Variants in ATG10 observed in about 807,000 individuals in gnomAD.
ATG10 encodes the protein autophagy related 10.
Under a neutral mutation model 32.1 loss-of-function variants are expected in ATG10, and 30 were observed. That is an observed-to-expected ratio of 0.94 (90% confidence interval 0.70 to 1.27). The LOEUF (loss-of-function observed/expected upper bound fraction) is 1.27, where lower values mean the gene tolerates loss of function less well. ATG10 is among the 50% of genes most tolerant of loss of function. The pLI is 0.00. For missense variants in ATG10, 233 were observed against 262.3 expected (o/e 0.89, Z 0.77); for synonymous variants, 87 against 91.5 (o/e 0.95, Z 0.28).
At chr5:82,037,240 T>TGTCTAA (rs1382606540) in intron 2 of ATG10, among the ~76,000 whole-genome samples, 1 of 48,142 alleles carries the variant, frequency 2.1e-5, no homozygotes, top group Non-Finnish European at 4.0e-5. Context: ...TTTACTTTTT[T>TGTCTAA]TTTTTTTTTT....
chr5:82,123,719 A>G (rs1766137587), intron 3 of ATG10, among the ~76,000 whole-genome samples: 1 of 142,416 alleles, frequency 7.0e-6, no homozygotes, highest in Non-Finnish European at 1.5e-5. Context: ...TGCTTGAGCC[A>G]GGAGTTCTAG....
At chr5:82,136,149 G>A (rs1034093331) in intron 3 of ATG10, among the ~76,000 whole-genome samples, 5 of 152,108 alleles carry the variant, frequency 3.3e-5, no homozygotes, top group Non-Finnish European at 5.9e-5. Flanking sequence ...CCTGAATACA[G>A]CACACCGATG....
At chr5:82,165,632 T>G (rs1743543380) in intron 4 of ATG10, among the ~76,000 whole-genome samples, 1 of 152,222 alleles carries the variant, frequency 6.6e-6, no homozygotes, top group Non-Finnish European at 1.5e-5. Context: ...AGGACACTGA[T>G]AGTTCACTAA....
At chr5:82,046,047 G>C (rs1439589530) in intron 2 of ATG10, among the ~76,000 whole-genome samples, 2 of 152,064 alleles carry the variant, frequency 1.3e-5, no homozygotes, top group South Asian at 2.1e-4. Context: ...TGAGAATCTG[G>C]CCTATTGTCC....
chr5:82,139,606 C>A (rs1216752737), intron 3 of ATG10, among the ~76,000 whole-genome samples: 23 of 135,854 alleles, frequency 1.7e-4, no homozygotes, highest in African/African-American at 6.1e-4. Flanking sequence ...CTCCGCCCGG[C>A]AGCCACCCCA....
intron 3 of ATG10, among the ~76,000 whole-genome samples, chr5:82,131,419 T>C (rs1431617015): frequency 6.6e-6 from 1 of 152,178 alleles, no homozygotes; most frequent in Non-Finnish European, 1.5e-5. Context: ...GAAGTGTGAC[T>C]GTTATTTGTG....
intron 3 of ATG10, among the ~76,000 whole-genome samples, chr5:82,088,981 T>C (rs1764788151): frequency 6.6e-6 from 1 of 152,190 alleles, no homozygotes; most frequent in African/African-American, 2.4e-5. Context: ...TTTAGAACCT[T>C]TTTTAAAGAA....
intron 3 of ATG10, among the ~76,000 whole-genome samples, chr5:82,075,436 T>A (rs1764244446): frequency 6.6e-6 from 1 of 152,120 alleles, no homozygotes; most frequent in Non-Finnish European, 1.5e-5. Flanking sequence ...TTAAGAAAAA[T>A]TATTTAGTTT....
intron 3 of ATG10, among the ~76,000 whole-genome samples, chr5:82,080,005 C>A (rs1314420372): frequency 6.6e-6 from 1 of 152,212 alleles, no homozygotes; most frequent in African/African-American, 2.4e-5. Context: ...ATTCCTAATT[C>A]TCCATATCCT....
At chr5:82,202,149 A>G (rs2149964296) in intron 5 of ATG10, among the ~76,000 whole-genome samples, 1 of 152,314 alleles carries the variant, frequency 6.6e-6, no homozygotes, top group Admixed American at 6.5e-5. Flanking sequence ...ATGATGTTGA[A>G]TAGCAATGAT....
At chr5:82,150,680 C>T (rs1427122652) in intron 3 of ATG10, among the ~76,000 whole-genome samples, 2 of 152,194 alleles carry the variant, frequency 1.3e-5, no homozygotes, top group African/African-American at 2.4e-5. Context: ...CCCCTTCACA[C>T]AGTCGTCCAC....
At position 82,255,242 on chromosome 5, in the gene ATG10, C is replaced by G. The variant is rs1279091574; in HGVS notation, c.*1179C>G. ...TACCTCATAGGGTTGCTGTGAGAAC[C>G]ACATGAGATCATTAATGCATGATAA... On this transcript the variant is annotated 3_prime_UTR_variant, in exon 8 of 8. Coordinates refer to ENST00000282185, the MANE Select transcript of ATG10 (RefSeq NM_031482.5). The G allele has an allele frequency of 6.6e-6, 1 of 152,108 alleles. No homozygotes were observed. The highest frequency in any genetic ancestry group is 1.5e-5 in the Non-Finnish European group (1 of 68,024). 9.4% of individuals were successfully genotyped at this position (152,108 alleles called of 1,614,324 possible). A position where few individuals can be genotyped will look rare whatever the true frequency, so the allele number is the denominator to read the frequency against.
chr5:82,245,093 C>T (rs1014167462), intron 5 of ATG10, among the ~76,000 whole-genome samples: 8 of 152,144 alleles, frequency 5.3e-5, no homozygotes, highest in Non-Finnish European at 1.2e-4. Flanking sequence ...CCTCCTGAAT[C>T]GATCTAAGAA....
chr5:82,098,648 C>T (rs562498784), intron 3 of ATG10, among the ~76,000 whole-genome samples: 5 of 152,182 alleles, frequency 3.3e-5, no homozygotes, highest in Admixed American at 6.5e-5. Context: ...AAGGGGTTAT[C>T]GTTTATAGAC....
At chr5:82,054,969 T>C (rs1581641386) in intron 2 of ATG10, among the ~76,000 whole-genome samples, 2 of 152,150 alleles carry the variant, frequency 1.3e-5, no homozygotes, top group Non-Finnish European at 2.9e-5. Flanking sequence ...TCAGGAAAAC[T>C]TCATTGCCAA....
At chr5:82,114,928 A>G (rs757289642) in intron 3 of ATG10, among the ~76,000 whole-genome samples, 1 of 152,210 alleles carries the variant, frequency 6.6e-6, no homozygotes, top group South Asian at 2.1e-4. Context: ...CTACTAGCCC[A>G]TGTAGATATT....
At position 82,254,185 on chromosome 5, in the gene ATG10, G is replaced by T. The variant is rs542303648; in HGVS notation, c.*122G>T. On this transcript the variant is annotated 3_prime_UTR_variant, in exon 8 of 8. Coordinates refer to ENST00000282185, the MANE Select transcript of ATG10 (RefSeq NM_031482.5). ...TTTCATCTCACCAAGATGTGACATG[G>T]ATTATTTTTCCCTTGGACACAAATG... is the stretch of plus-strand genomic sequence containing the variant. 6.6e-6 allele frequency: 1 copy of T among 152,272 alleles called. No homozygotes were observed. Among genetic ancestry groups the T allele is most frequent in the African/African-American group, 2.4e-5 (1 of 41,554 alleles). 9.4% of individuals were successfully genotyped at this position (152,272 alleles called of 1,614,324 possible). A position where few individuals can be genotyped will look rare whatever the true frequency, so the allele number is the denominator to read the frequency against.
At chr5:82,207,655 A>G (rs1745349183) in intron 5 of ATG10, among the ~76,000 whole-genome samples, 1 of 152,174 alleles carries the variant, frequency 6.6e-6, no homozygotes, top group Admixed American at 6.5e-5. Flanking sequence ...TAAGAATCAT[A>G]TCCTGTATTT....
Position 82,037,234 on chromosome 5 carries a change from C to CTTTTTT in ATG10, c.109-21235_109-21230dup, listed in dbSNP as rs1166784267. Among the ~76,000 whole-genome samples, 175 of 36,954 alleles carry CTTTTTT rather than the reference C, an allele frequency of 4.7e-3. 56 individuals carry two copies. Among genetic ancestry groups the CTTTTTT allele is most frequent in the South Asian group, 7.2e-3 (5 of 690 alleles). The allele number at this position is 36,954 out of a possible 152,430, so 24.2% of individuals were successfully genotyped here. A position where few individuals can be genotyped will look rare whatever the true frequency, so the allele number is the denominator to read the frequency against. Reference sequence around the variant, plus strand: ...ACTTTTTGTAATAAGATCTCATTTACTTTTTTTTTTTTTTTTTTTTTTTTT... The same window carrying CTTTTTT: ...ACTTTTTGTAATAAGATCTCATTTACTTTTTTTTTTTTTTTTTTTTTTTTTTTTTTT... On this transcript the variant is annotated intron_variant, in intron 2 of 7. Transcript: ENST00000282185.
Sources: allele counts gnomAD v4.1 joint callset (sites outside exome capture counted in the v4.1 genomes callset), GRCh38; gene constraint gnomAD v4.1.1; transcripts MANE v1.5; gene names NCBI Gene and HGNC (gene_info 2026-07-23, HGNC 2026-07-21).